SP140: variants seen among roughly 807,000 people sequenced by gnomAD.
SP140 encodes SP140 nuclear body protein.
SP140 carries 81 observed loss-of-function variants against 125.0 expected under a neutral mutation model. The observed-to-expected ratio is 0.65, with a 90% CI of 0.54 to 0.78. The LOEUF is 0.78. Among genes scored for constraint, SP140 ranks in the 30% least tolerant of loss-of-function variants. SP140 has a pLI of 0.00. For missense variants in SP140, 858 were observed against 1,037.0 expected (o/e 0.83, Z 2.37); for synonymous variants, 312 against 354.0 (o/e 0.88, Z 1.33).
intron 26 of SP140, among the ~76,000 whole-genome samples, chr2:230,312,351 C>CA (rs1161249685): frequency 6.6e-6 from 1 of 152,066 alleles, no homozygotes; most frequent in African/African-American, 2.4e-5. Context: ...GTACTCACCA[C>CA]AAAAAAATGA....
upstream of SP140, chr2:230,200,587 T>C: frequency 2.2e-6 from 1 of 444,476 alleles, no homozygotes; most frequent in Non-Finnish European, 4.1e-6. Flanking sequence ...GGACACTCAT[T>C]CTCAGTAATG....
intron 12 of SP140, among the ~76,000 whole-genome samples, chr2:230,266,806 A>G (rs11693437): frequency 0.16 from 25,002 of 152,116 alleles, 2,504 homozygotes; most frequent in South Asian, 0.24. Context: ...GAAGCCAGCA[A>G]TCTTGTGTGG....
At chr2:230,204,751 G>A (rs367595759) in intron 1 of SP140, among the ~76,000 whole-genome samples, 1 of 152,098 alleles carries the variant, frequency 6.6e-6, no homozygotes, top group African/African-American at 2.4e-5. Context: ...AGAAATTATG[G>A]GACCAGCTTG....
At position 230,245,073 on chromosome 2, in the gene SP140, T is replaced by C; in HGVS notation, c.657T>C (p.Gly219=). The change falls in exon 6 of 27, where the codon GGT becomes GGC. Residue 219 remains glycine (G), a synonymous_variant. Transcript: ENST00000392045. ...DAEDAPSLLP[G]GGVSCKLAIQ... Reference sequence around the variant, plus strand: ...AAGATGCACCCAGCCTACTACCAGGTGGGGGAGGTAATTATGATTTAAATG... The same window carrying C: ...AAGATGCACCCAGCCTACTACCAGGCGGGGGAGGTAATTATGATTTAAATG... The C allele has an allele frequency of 6.2e-7, 1 of 1,608,898 alleles. No individual in the cohort carries two copies. Among genetic ancestry groups the C allele is most frequent in the Non-Finnish European group, 8.5e-7 (1 of 1,175,676 alleles).
In SP140 at chr2:230,227,860, C is replaced by T. The variant is rs949314941; in HGVS notation, c.59+1957C>T. On this transcript the variant is annotated intron_variant, in intron 1 of 26. Coordinates refer to ENST00000392045, the MANE Select transcript of SP140 (RefSeq NM_007237.5). ...TTAATTAACTCTTTGAAAAGAAAAT[C>T]AGCTTTTGGTTTCATTAAGTTTCTC... Among the ~76,000 whole-genome samples the T allele has an allele frequency of 3.3e-5, 5 of 152,094 alleles. No homozygotes were observed. The East Asian group carries it at 9.6e-4, about 29-fold the overall frequency.
intron 22 of SP140, among the ~76,000 whole-genome samples, chr2:230,308,903 C>T (rs1392528844): frequency 1.3e-5 from 2 of 152,180 alleles, no homozygotes; most frequent in African/African-American, 2.4e-5. Flanking sequence ...TTCACTTGAA[C>T]GGCAAAGGGC....
intron 12 of SP140, among the ~76,000 whole-genome samples, chr2:230,261,905 T>G (rs1450809914): frequency 1.3e-5 from 2 of 152,204 alleles, no homozygotes; most frequent in Non-Finnish European, 2.9e-5. Context: ...GATACCAGTC[T>G]GTAGTTTTCT....
intron 3 of SP140, among the ~76,000 whole-genome samples, chr2:230,218,760 C>T (rs775887568): frequency 9.9e-5 from 15 of 152,156 alleles, no homozygotes; most frequent in Non-Finnish European, 2.2e-4. Context: ...TACTACATCT[C>T]ATATATGACT....
chr2:230,292,585 G>A lies in SP140; in HGVS notation c.1826-61G>A, dbSNP rs2057254002. 3.7e-6 allele frequency: 6 copies of A among 1,604,534 alleles called. No individual in the cohort carries two copies. The East Asian group carries it at 1.3e-4, about 36-fold the overall frequency. Reference sequence around the variant, plus strand: ...TGGCTCTAGATCCAGTGTGGTGAGTGGCCATAGTCTGTGCGCTGGGAAAAA... The same window carrying A: ...TGGCTCTAGATCCAGTGTGGTGAGTAGCCATAGTCTGTGCGCTGGGAAAAA... On this transcript the variant is annotated intron_variant, in intron 19 of 26. Transcript: ENST00000392045.
chr2:230,218,367 G>A (rs28733458), intron 3 of SP140, among the ~76,000 whole-genome samples: 1,687 of 152,160 alleles, frequency 0.011, 31 homozygotes, highest in African/African-American at 0.038. Flanking sequence ...AGAATAATCC[G>A]CAATCGCATA....
At chr2:230,229,265 G>A (rs985763069) in intron 1 of SP140, among the ~76,000 whole-genome samples, 1 of 151,518 alleles carries the variant, frequency 6.6e-6, no homozygotes, top group Non-Finnish European at 1.5e-5. Context: ...ATTTATTTAT[G>A]TCCCATAACC....
intron 6 of SP140, among the ~76,000 whole-genome samples, chr2:230,245,505 G>T (rs981672231): frequency 6.6e-6 from 1 of 152,162 alleles, no homozygotes; most frequent in Non-Finnish European, 1.5e-5. Context: ...AATGAATAGG[G>T]ATATAACGGG....
chr2:230,213,090 A>T, intron 1 of SP140: 1 of 1,526,154 alleles, frequency 6.6e-7, no homozygotes, highest in South Asian at 1.1e-5. Context: ...GGGGAAGGGG[A>T]TTTCTTAATA....
intron 1 of SP140, among the ~76,000 whole-genome samples, chr2:230,205,250 C>T (rs2043639498): frequency 6.6e-6 from 1 of 152,284 alleles, no homozygotes; most frequent in South Asian, 2.1e-4. Flanking sequence ...CTACAACAGG[C>T]TCCCAAGGGC....
downstream of SP140, among the ~76,000 whole-genome samples, chr2:230,314,701 A>G (rs1190148921): frequency 2.0e-5 from 3 of 152,262 alleles, no homozygotes; most frequent in Non-Finnish European, 4.4e-5. Context: ...GCACTCTACA[A>G]CTGGAGAATC....
At chr2:230,194,770 A>G in the SP140 span, among the ~76,000 whole-genome samples, 1 of 152,200 alleles carries the variant, frequency 6.6e-6, no homozygotes, top group Non-Finnish European at 1.5e-5. Flanking sequence ...CCTAGACAGG[A>G]AACAATTCTA....
At chr2:230,302,428 A>G (rs930421488) in intron 22 of SP140, among the ~76,000 whole-genome samples, 3 of 152,126 alleles carry the variant, frequency 2.0e-5, no homozygotes, top group Non-Finnish European at 4.4e-5. Flanking sequence ...TACTAGACCT[A>G]AGAAATGAGA....
intron 3 of SP140, among the ~76,000 whole-genome samples, chr2:230,218,830 A>G (rs967413920): frequency 6.6e-6 from 1 of 152,264 alleles, no homozygotes; most frequent in African/African-American, 2.4e-5. Flanking sequence ...ACAAACATCC[A>G]ACTAGAAAAT....
chr2:230,212,900 G>T, intron 1 of SP140: 1 of 1,614,114 alleles, frequency 6.2e-7, no homozygotes, highest in South Asian at 1.1e-5. Context: ...AGGGTGAACA[G>T]CTTGGTTGAG....
Sources: allele counts gnomAD v4.1 joint callset (sites outside exome capture counted in the v4.1 genomes callset), GRCh38; gene constraint gnomAD v4.1.1; transcripts MANE v1.5; gene names NCBI Gene and HGNC (gene_info 2026-07-23, HGNC 2026-07-21).